Variants in CNTLN observed in about 807,000 individuals in gnomAD.
The protein encoded by CNTLN is centlein.
CNTLN carries 212 observed loss-of-function variants against 180.0 expected under a neutral mutation model. The ratio of observed to expected loss-of-function variants is 1.18; its 90% CI spans 1.05 to 1.32. The LOEUF is 1.32. Ranked by LOEUF, CNTLN falls within the 40% of genes most tolerant of loss-of-function variation. The pLI, the probability that CNTLN is intolerant of heterozygous loss-of-function variation, is 0.00. For synonymous variants in CNTLN, 722 were observed against 563.1 expected (o/e 1.28, Z -3.99); for missense variants, 2,095 against 1,610.9 (o/e 1.30, Z -5.14).
At chr9:17,162,750 T>A (rs16935379) in intron 2 of CNTLN, among the ~76,000 whole-genome samples, 1,535 of 152,244 alleles carry the variant, frequency 0.01, 31 homozygotes, top group African/African-American at 0.034. Flanking sequence ...GTGCACAGAC[T>A]ATGGGGCGTA....
chr9:17,288,427 A>T (rs1448399030), intron 6 of CNTLN, among the ~76,000 whole-genome samples: 1 of 142,472 alleles, frequency 7.0e-6, no homozygotes, highest in African/African-American at 2.8e-5. Flanking sequence ...TTTACTTCCC[A>T]GTATGTGGTC....
chr9:17,487,281 G>T (rs1832941792), intron 25 of CNTLN: 3 of 517,820 alleles, frequency 5.8e-6, no homozygotes, highest in Non-Finnish European at 1.0e-5. Context: ...GCCAACATGG[G>T]TCTTAGCAAA....
intron 25 of CNTLN, among the ~76,000 whole-genome samples, chr9:17,491,563 T>A (rs1327777691): frequency 6.6e-6 from 1 of 152,130 alleles, no homozygotes; most frequent in Non-Finnish European, 1.5e-5. Context: ...GGTGTGTTGC[T>A]TTATTCTTTG....
chr9:17,268,480 G>A (rs761496872), intron 5 of CNTLN, among the ~76,000 whole-genome samples: 6 of 152,148 alleles, frequency 3.9e-5, no homozygotes, highest in African/African-American at 4.8e-5. Context: ...TAGGCTGCTC[G>A]GGGGTCAGGG....
rs1484347141 is a variant in CNTLN at position 17,394,630 on chromosome 9, A to C, written c.2176A>C (p.Lys726Gln). Residue 726 changes from lysine to glutamine, a missense_variant, in exon 15 of 26, where the codon AAA becomes CAA. Lys to Gln is a moderately conservative substitution (Grantham distance 53). Coordinates refer to ENST00000380647, the MANE Select transcript of CNTLN (RefSeq NM_017738.4). ...KKLMKENDFL[K>Q]SLLKQQQEDT... is the part of the protein sequence containing the mutation. ...ATTAATGAAAGAAAATGATTTTCTG[A>C]AATCCCTCTTAAAACAGCAACAAGA... 1 of 1,605,924 alleles carries C rather than the reference A, an allele frequency of 6.2e-7. No individual in the cohort carries two copies. Among genetic ancestry groups the C allele is most frequent in the Non-Finnish European group, 8.5e-7 (1 of 1,177,962 alleles).
chr9:17,410,550 A>C (rs1175551941), intron 16 of CNTLN, among the ~76,000 whole-genome samples: 1 of 152,120 alleles, frequency 6.6e-6, no homozygotes, highest in Non-Finnish European at 1.5e-5. Flanking sequence ...TAATGTGGCC[A>C]AACTTACCAA....
chr9:17,433,196 CTG>C (rs1407673379), intron 18 of CNTLN, among the ~76,000 whole-genome samples: 7 of 151,698 alleles, frequency 4.6e-5, no homozygotes, highest in African/African-American at 1.7e-4. Context: ...TGACTTATAA[CTG>C]TCTTTAAAGT....
chr9:17,265,635 C>T (rs1304082905), intron 5 of CNTLN, among the ~76,000 whole-genome samples: 1 of 152,090 alleles, frequency 6.6e-6, no homozygotes, highest in Non-Finnish European at 1.5e-5. Context: ...CTTTGTACCT[C>T]TGGTAGAATT....
chr9:17,157,981 G>A lies in CNTLN; in HGVS notation c.449+14605G>A, dbSNP rs191528896. Among the ~76,000 whole-genome samples the A allele has an allele frequency of 3.0e-4, 46 of 152,296 alleles. 1 individual carries two copies. Among genetic ancestry groups the A allele is most frequent in the African/African-American group, 1.1e-3 (45 of 41,556 alleles). On this transcript the variant is annotated intron_variant, in intron 2 of 25. Transcript: ENST00000380647. ...TTAAAACTACCTTCAGGCTATGTAT[G>A]TAAGATATATGTTAAACAGAAATCA... is the stretch of plus-strand genomic sequence containing the variant.
chr9:17,389,082 A>T (rs1308793869), intron 14 of CNTLN, among the ~76,000 whole-genome samples: 1 of 151,952 alleles, frequency 6.6e-6, no homozygotes, highest in Non-Finnish European at 1.5e-5. Flanking sequence ...ATATTAACAT[A>T]GTAACTTATA....
intron 18 of CNTLN, among the ~76,000 whole-genome samples, chr9:17,423,003 T>G (rs920360232): frequency 9.9e-5 from 15 of 152,178 alleles, no homozygotes; most frequent in Admixed American, 8.5e-4. Flanking sequence ...TTAGGTAAGA[T>G]CCAGGAGAAT....
chr9:17,210,078 T>G (rs1322523738), intron 2 of CNTLN, among the ~76,000 whole-genome samples: 1 of 152,232 alleles, frequency 6.6e-6, no homozygotes, highest in Non-Finnish European at 1.5e-5. Flanking sequence ...TTTATTTTTA[T>G]TACACTTTAA....
chr9:17,230,712 C>T (rs1347061313), intron 3 of CNTLN, among the ~76,000 whole-genome samples: 2 of 151,960 alleles, frequency 1.3e-5, no homozygotes, highest in Non-Finnish European at 2.9e-5. Flanking sequence ...TCTCCCTCCA[C>T]ATACTGGAAA....
chr9:17,189,091 T>C (rs1478546377), intron 2 of CNTLN, among the ~76,000 whole-genome samples: 94 of 137,998 alleles, frequency 6.8e-4, no homozygotes, highest in Non-Finnish European at 1.3e-3. Flanking sequence ...TTTTTTTTTT[T>C]TTTTTTTTTG....
chr9:17,334,910 T>TA (rs71303378), intron 10 of CNTLN, among the ~76,000 whole-genome samples: 24,640 of 122,296 alleles, frequency 0.2, 2,336 homozygotes, highest in South Asian at 0.35. Flanking sequence ...AATCTAAAAT[T>TA]AAAAAAAAAA....
chr9:17,462,716 C>A (rs1395261281), intron 19 of CNTLN, among the ~76,000 whole-genome samples, 200 bp from the exon 20 acceptor site: 1 of 151,382 alleles, frequency 6.6e-6, no homozygotes, highest in African/African-American at 2.4e-5. Flanking sequence ...TATAGTTTGG[C>A]ATGTTATATA....
chr9:17,356,682 T>C (rs140092728), intron 12 of CNTLN, among the ~76,000 whole-genome samples: 1 of 152,206 alleles, frequency 6.6e-6, no homozygotes, highest in Non-Finnish European at 1.5e-5. Context: ...TCAATAAATA[T>C]GCTGGGCACT....
At chr9:17,329,815 A>G (rs964038048) in intron 8 of CNTLN, among the ~76,000 whole-genome samples, 10 of 151,496 alleles carry the variant, frequency 6.6e-5, no homozygotes, top group South Asian at 4.2e-4. Flanking sequence ...CAGGGCTACT[A>G]GATCCTTATT....
At chr9:17,330,611 C>A in intron 8 of CNTLN, 21 bp from the exon 9 acceptor site, 1 of 1,382,246 alleles carries the variant, frequency 7.2e-7, no homozygotes, top group Non-Finnish European at 9.9e-7. Flanking sequence ...TATCTATTTA[C>A]AATTATACTT....
Sources: allele counts gnomAD v4.1 joint callset (sites outside exome capture counted in the v4.1 genomes callset), GRCh38; gene constraint gnomAD v4.1.1; transcripts MANE v1.5; gene names NCBI Gene and HGNC (gene_info 2026-07-23, HGNC 2026-07-21).